CDC14A: variants seen among roughly 807,000 people sequenced by gnomAD.
CDC14A encodes cell division cycle 14A.
A neutral mutation model predicts 74.4 loss-of-function variants in CDC14A; 53 were observed. That is an observed-to-expected ratio of 0.71 (90% CI 0.57 to 0.89). The LOEUF is 0.89. Ranked by LOEUF, CDC14A falls within the 40% of genes least tolerant of loss-of-function variation. The pLI is 0.00. For synonymous variants in CDC14A, 247 were observed against 258.4 expected (o/e 0.96, Z 0.43); for missense variants, 646 against 713.7 (o/e 0.91, Z 1.08).
rs1650552221 is a variant in CDC14A, at chr1:100,519,962, A to G, written c.*1682A>G. On this transcript the variant is annotated 3_prime_UTR_variant, in exon 16 of 16. Coordinates refer to ENST00000336454, the MANE Select transcript of CDC14A (RefSeq NM_003672.4). Reference sequence around the variant, plus strand: ...TGTTGACAGTTTTAGTTCTGTGAACACTAATTTGTGTGAAGCTATTAAAAT... The same window carrying G: ...TGTTGACAGTTTTAGTTCTGTGAACGCTAATTTGTGTGAAGCTATTAAAAT... 2.0e-5 allele frequency: 3 copies of G among 152,232 alleles called. No homozygotes were observed. The South Asian group carries it at 6.2e-4, about 32-fold the overall frequency. 9.4% of individuals were successfully genotyped at this position (152,232 alleles called of 1,614,324 possible). A position where few individuals can be genotyped will look rare whatever the true frequency, so the allele number is the denominator to read the frequency against.
chr1:100,382,757 T>C (rs1656319226), intron 3 of CDC14A, among the ~76,000 whole-genome samples: 1 of 152,180 alleles, frequency 6.6e-6, no homozygotes, highest in Admixed American at 6.6e-5. Flanking sequence ...TAATTTTAAA[T>C]TTACAAAACA....
At chr1:100,374,201 A>G (rs1282753844) in intron 2 of CDC14A, among the ~76,000 whole-genome samples, 1 of 152,120 alleles carries the variant, frequency 6.6e-6, no homozygotes, top group Non-Finnish European at 1.5e-5. Flanking sequence ...AATCCAGTCT[A>G]TCATTGTTGG....
intron 3 of CDC14A, among the ~76,000 whole-genome samples, chr1:100,382,508 G>A (rs146389782): frequency 7.9e-5 from 12 of 151,184 alleles, no homozygotes; most frequent in Non-Finnish European, 1.8e-4. Context: ...AAAGTGGTGG[G>A]ATTACAGGCA....
At chr1:100,374,198 T>A (rs551341648) in intron 2 of CDC14A, among the ~76,000 whole-genome samples, 1 of 152,326 alleles carries the variant, frequency 6.6e-6, no homozygotes, top group East Asian at 1.9e-4. Context: ...CTTAATCCAG[T>A]CTATCATTGT....
intron 2 of CDC14A, among the ~76,000 whole-genome samples, chr1:100,357,207 A>G (rs1222895134): frequency 6.6e-6 from 1 of 152,164 alleles, no homozygotes; most frequent in Non-Finnish European, 1.5e-5. Context: ...AAATTTGGGA[A>G]TTTTCCCAAA....
chr1:100,459,497 C>T (rs1667108839), intron 8 of CDC14A, among the ~76,000 whole-genome samples: 1 of 152,170 alleles, frequency 6.6e-6, no homozygotes, highest in Non-Finnish European at 1.5e-5. Context: ...TTATGTCTTT[C>T]TACATTTGCC....
intron 10 of CDC14A, among the ~76,000 whole-genome samples, chr1:100,478,722 C>G: frequency 6.6e-6 from 1 of 152,178 alleles, no homozygotes; most frequent in East Asian, 1.9e-4. Flanking sequence ...TGGTTGAACT[C>G]TTTTTCATTC....
chr1:100,412,996 G>T lies in CDC14A; in HGVS notation c.310-11226G>T, dbSNP rs796494974. On this transcript the variant is annotated intron_variant, in intron 4 of 15. Transcript: ENST00000336454. ...CACTTAAACCCGGGAGATGGAGGTT[G>T]CAGTGAGCTGAGATCGTGCCACTGC... Among the ~76,000 whole-genome samples the T allele has an allele frequency of 8.9e-4, 135 of 151,322 alleles. 1 individual carries two copies. The highest frequency in any genetic ancestry group is 3.2e-3 in the African/African-American group (133 of 41,086).
intron 15 of CDC14A, among the ~76,000 whole-genome samples, chr1:100,513,063 T>TA (rs1259297053): frequency 1.3e-5 from 2 of 151,996 alleles, no homozygotes; most frequent in South Asian, 2.1e-4. Flanking sequence ...AAATAAAAAA[T>TA]AAAAAATACT....
chr1:100,467,295 T>G (rs765718182), intron 9 of CDC14A, among the ~76,000 whole-genome samples: 4 of 152,194 alleles, frequency 2.6e-5, no homozygotes, highest in Non-Finnish European at 4.4e-5. Context: ...CTACCTTTAT[T>G]GTTTGATCAG....
chr1:100,366,318 G>T (rs1428239179), intron 2 of CDC14A, among the ~76,000 whole-genome samples: 2 of 152,180 alleles, frequency 1.3e-5, no homozygotes. Context: ...TTTGTTGAAT[G>T]AATGAGTACT....
Position 100,390,797 on chromosome 1 carries a change from T to C in CDC14A, c.282T>C (p.Asn94=). The change falls in exon 4 of 16, where the codon AAT becomes AAC. Residue 94 remains asparagine, a synonymous_variant. Coordinates refer to ENST00000336454, the MANE Select transcript of CDC14A (RefSeq NM_003672.4). ...YTCFDQRKRA[N]AAFLIGAYAV... Reference sequence around the variant, plus strand: ...GTTTTGACCAACGGAAAAGAGCAAATGCAGCATTTTTGATAGGTGCCTATG... The same window carrying C: ...GTTTTGACCAACGGAAAAGAGCAAACGCAGCATTTTTGATAGGTGCCTATG... The C allele has an allele frequency of 1.2e-6, 2 of 1,613,088 alleles. No homozygotes were observed. The highest frequency in any genetic ancestry group is 1.1e-5 in the South Asian group (1 of 91,062).
intron 9 of CDC14A, among the ~76,000 whole-genome samples, chr1:100,465,829 A>C (rs571162419): frequency 1.1e-4 from 17 of 152,338 alleles, no homozygotes; most frequent in African/African-American, 3.8e-4. Flanking sequence ...TCGATGTTCT[A>C]TAGGGCTTTC....
intron 10 of CDC14A, among the ~76,000 whole-genome samples, chr1:100,478,190 G>T (rs1327860929): frequency 6.6e-6 from 1 of 151,946 alleles, no homozygotes; most frequent in African/African-American, 2.4e-5. Context: ...CATCCTCAAG[G>T]TTCTTAAAAT....
chr1:100,511,708 T>TATCA, intron 15 of CDC14A, among the ~76,000 whole-genome samples: 1 of 152,328 alleles, frequency 6.6e-6, no homozygotes, highest in African/African-American at 2.4e-5. Context: ...CACTAAGTCC[T>TATCA]ATCAAGTCTC....
At position 100,508,240 on chromosome 1, in the gene CDC14A, C is replaced by T. The variant is rs574049610; in HGVS notation, c.1755+8978C>T. ...ATAGCCATCTGTTATAATTTGGGCCCGCCTGTTTTTGTTTTATGGCTTCTT... is the reference window on the plus strand; with the variant it reads ...ATAGCCATCTGTTATAATTTGGGCCTGCCTGTTTTTGTTTTATGGCTTCTT... On this transcript the variant is annotated intron_variant, in intron 15 of 15. Transcript: ENST00000336454. This position sits in a 1 kb window ranked among gnomAD's most constrained non-coding sequence, Gnocchi z 4.4. Among the ~76,000 whole-genome samples the T allele has an allele frequency of 9.2e-5, 14 of 151,666 alleles. No homozygotes were observed. The East Asian group carries it at 2.1e-3, about 23-fold the overall frequency.
intron 4 of CDC14A, among the ~76,000 whole-genome samples, chr1:100,395,334 A>C (rs542574583): frequency 1.3e-4 from 20 of 152,304 alleles, no homozygotes; most frequent in African/African-American, 4.1e-4. Flanking sequence ...AGAAGTTTTT[A>C]TTCCTTCTCT....
intron 10 of CDC14A, among the ~76,000 whole-genome samples, chr1:100,473,545 C>T (rs1262121733): frequency 3.9e-5 from 6 of 152,020 alleles, no homozygotes; most frequent in Admixed American, 2.6e-4. Flanking sequence ...TGCCACCACG[C>T]CCGGCTAATT....
intron 15 of CDC14A, among the ~76,000 whole-genome samples, chr1:100,510,743 A>G (rs887330825): frequency 2.0e-5 from 3 of 152,156 alleles, no homozygotes; most frequent in African/African-American, 7.2e-5. Context: ...AGAAAATCCT[A>G]TAACTTTGCC....
Sources: allele counts gnomAD v4.1 joint callset (sites outside exome capture counted in the v4.1 genomes callset), GRCh38; gene constraint gnomAD v4.1.1; non-coding constraint Gnocchi (gnomAD v3.1); transcripts MANE v1.5; gene names NCBI Gene and HGNC (gene_info 2026-07-23, HGNC 2026-07-21).